Variants in ANXA3 observed in about 807,000 individuals in gnomAD.
The protein encoded by ANXA3 is annexin A3.
In ANXA3, 46 loss-of-function variants were observed where a neutral mutation model predicts 48.8. The ratio of observed to expected loss-of-function variants is 0.94; its 90% CI spans 0.74 to 1.21. The LOEUF is 1.21. ANXA3 is among the 50% of genes most tolerant of loss of function. The probability of loss-of-function intolerance (pLI) is 0.00; values close to 1 mark genes in which losing one functional copy is unlikely to be tolerated. For missense variants in ANXA3, 383 were observed against 378.6 expected, an observed-to-expected ratio of 1.01 and a Z score of -0.10; for synonymous variants, 128 against 134.7, an observed-to-expected ratio of 0.95 and a Z score of 0.35.
At chr4:78,606,631 A>G (rs1451151393) in intron 12 of ANXA3, among the ~76,000 whole-genome samples, 1 of 152,208 alleles carries the variant, frequency 6.6e-6, no homozygotes, top group Non-Finnish European at 1.5e-5. Context: ...GTCTTTCTGC[A>G]GCTATCTTGG....
intron 5 of ANXA3, among the ~76,000 whole-genome samples, chr4:78,582,765 A>G (rs189254361): frequency 1.5e-4 from 23 of 152,180 alleles, no homozygotes; most frequent in African/African-American, 5.5e-4. Flanking sequence ...ATAGGCTTCT[A>G]ACTGGTCCCT....
intron 3 of ANXA3, 68 bp downstream of exon 3, chr4:78,573,335 C>G: frequency 8.4e-7 from 1 of 1,188,364 alleles, no homozygotes; most frequent in Non-Finnish European, 1.2e-6. Flanking sequence ...TCTAAAAGTT[C>G]AGTTTGCTCA....
At chr4:78,593,803 A>AT (rs60515646) in intron 7 of ANXA3, among the ~76,000 whole-genome samples, 8,588 of 88,776 alleles carry the variant, frequency 0.097, 573 homozygotes, top group African/African-American at 0.15. Flanking sequence ...CATTCAGCTA[A>AT]TTTTTTTTTT....
intron 2 of ANXA3, among the ~76,000 whole-genome samples, chr4:78,567,506 A>T (rs1335898725): frequency 6.6e-6 from 1 of 152,246 alleles, no homozygotes; most frequent in Non-Finnish European, 1.5e-5. Context: ...TTTTGAGTAT[A>T]CATGGAGACA....
intron 11 of ANXA3, 29 bp from the exon 12 acceptor site, chr4:78,604,248 G>T: frequency 6.3e-7 from 1 of 1,577,818 alleles, no homozygotes; most frequent in Non-Finnish European, 8.7e-7. Flanking sequence ...AATGACATTT[G>T]TGTTGTGAAC....
At position 78,560,360 on chromosome 4, in the gene ANXA3, A is replaced by T. The variant is rs191372546; in HGVS notation, c.15+5872A>T. On this transcript the variant is annotated intron_variant, in intron 2 of 12. Coordinates refer to ENST00000264908, the MANE Select transcript of ANXA3 (RefSeq NM_005139.3). The stretch of plus-strand genomic sequence containing the variant: ...TTAGGAGTTTTCATGACCCTCTGAA[A>T]TTAAAGAATTCCCTAGAATGATTCA... Among the ~76,000 whole-genome samples, 30 of 152,314 alleles carry T rather than the reference A, an allele frequency of 2.0e-4. No individual in the cohort carries two copies. In the East Asian group the frequency reaches 5.4e-3, roughly 27 times the overall value.
At chr4:78,595,539 T>TA in intron 8 of ANXA3, 102 bp downstream of exon 8, 1 of 1,285,054 alleles carries the variant, frequency 7.8e-7, no homozygotes, top group Non-Finnish European at 1.1e-6. Flanking sequence ...CAGGGACTTT[T>TA]CTTTTTTTTT....
chr4:78,553,306 G>A (rs549058324), intron 1 of ANXA3, among the ~76,000 whole-genome samples: 227 of 152,184 alleles, frequency 1.5e-3, no homozygotes, highest in African/African-American at 4.9e-3. Context: ...ATGATTGTGC[G>A]GCTTGTATTA....
intron 12 of ANXA3, among the ~76,000 whole-genome samples, chr4:78,606,732 A>ATC (rs1168410160): frequency 6.6e-6 from 1 of 151,962 alleles, no homozygotes; most frequent in Non-Finnish European, 1.5e-5. Context: ...ATTCACTAAA[A>ATC]TCTCTCTCTC....
At chr4:78,556,254 G>A (rs1290532468) in intron 2 of ANXA3, among the ~76,000 whole-genome samples, 2 of 152,148 alleles carry the variant, frequency 1.3e-5, no homozygotes, top group African/African-American at 4.8e-5. Flanking sequence ...GCATTTTTAT[G>A]TGATCATTAA....
rs1169224179 is a variant in ANXA3 at position 78,595,504 on chromosome 4, T to C, written c.540+67T>C. ...CTATGTGGCTGCCTTTGCATTTATGTGAAAAGGGAGAAAAATAGCAGCAAC... is the reference window on the plus strand; with the variant it reads ...CTATGTGGCTGCCTTTGCATTTATGCGAAAAGGGAGAAAAATAGCAGCAAC... On this transcript the variant is annotated intron_variant, in intron 8 of 12. Coordinates refer to ENST00000264908, the MANE Select transcript of ANXA3 (RefSeq NM_005139.3). The C allele has an allele frequency of 2.0e-6, 3 of 1,513,240 alleles. No individual in the cohort carries two copies. In the East Asian group the frequency reaches 6.8e-5, roughly 34 times the overall value. 93.7% of individuals were successfully genotyped at this position (1,513,240 alleles called of 1,614,324 possible). A position where few individuals can be genotyped will look rare whatever the true frequency, so the allele number is the denominator to read the frequency against.
At chr4:78,552,714 C>T (rs1722424767) in intron 1 of ANXA3, among the ~76,000 whole-genome samples, 1 of 152,164 alleles carries the variant, frequency 6.6e-6, no homozygotes, top group Admixed American at 6.5e-5. Flanking sequence ...ACCCTGCCCT[C>T]CGGGAAAGAT....
intron 5 of ANXA3, 26 bp from the exon 6 acceptor site, chr4:78,586,234 A>C: frequency 6.3e-7 from 1 of 1,593,906 alleles, no homozygotes; most frequent in Non-Finnish European, 8.6e-7. Flanking sequence ...AGTGTTCTAA[A>C]AATTAGATTT....
chr4:78,556,139 G>A (rs1193427137), intron 2 of ANXA3, among the ~76,000 whole-genome samples: 1 of 152,108 alleles, frequency 6.6e-6, no homozygotes, highest in African/African-American at 2.4e-5. Flanking sequence ...TGAAAAAATA[G>A]GGGCCCAAGT....
At chr4:78,590,081 G>A (rs1452184977) in intron 6 of ANXA3, among the ~76,000 whole-genome samples, 1 of 152,186 alleles carries the variant, frequency 6.6e-6, no homozygotes, top group African/African-American at 2.4e-5. Context: ...GAAGGAAAGG[G>A]AGAGGCTGTG....
At chr4:78,595,749 A>G (rs1038348532) in intron 8 of ANXA3, 45 bp from the exon 9 acceptor site, 1 of 1,294,032 alleles carries the variant, frequency 7.7e-7, no homozygotes, top group East Asian at 2.3e-5. Flanking sequence ...GTCACCTCTC[A>G]AAAAGAAAAT....
At chr4:78,590,748 A>G (rs902749700) in intron 6 of ANXA3, among the ~76,000 whole-genome samples, 2 of 152,130 alleles carry the variant, frequency 1.3e-5, no homozygotes, top group Non-Finnish European at 2.9e-5. Context: ...TTTGGGAGAT[A>G]CGAAAAAATA....
At position 78,595,770 on chromosome 4, in the gene ANXA3, C is replaced by G. The variant is rs748860166; in HGVS notation, c.541-24C>G. 1.3e-5 allele frequency: 18 copies of G among 1,437,120 alleles called. No homozygotes were observed. In the South Asian group the frequency reaches 2.0e-4, roughly 16 times the overall value. 89.0% of individuals were successfully genotyped at this position (1,437,120 alleles called of 1,614,324 possible). On this transcript the variant is annotated intron_variant, in intron 8 of 12. Transcript: ENST00000264908. ...TCTCAAAAAGAAAATAATTGTGTCT[C>G]TAATATCATTCTCTTGTGAATAGAT...
At chr4:78,605,357 A>G (rs775239400) in intron 12 of ANXA3, among the ~76,000 whole-genome samples, 3 of 152,164 alleles carry the variant, frequency 2.0e-5, no homozygotes, top group Non-Finnish European at 4.4e-5. Context: ...TTTTCTTAGT[A>G]TAAGTAAGGC....
Sources: allele counts gnomAD v4.1 joint callset (sites outside exome capture counted in the v4.1 genomes callset), GRCh38; gene constraint gnomAD v4.1.1; transcripts MANE v1.5; gene names NCBI Gene and HGNC (gene_info 2026-07-23, HGNC 2026-07-21).